POMT2: variants seen among roughly 807,000 people sequenced by gnomAD.
POMT2 encodes the protein protein O-mannosyl-transferase 2.
POMT2 carries 75 observed loss-of-function variants against 100.0 expected under a neutral mutation model. The ratio of observed to expected loss-of-function variants is 0.75; its 90% CI spans 0.62 to 0.91. The LOEUF (loss-of-function observed/expected upper bound fraction) is 0.91, where lower values mean the gene tolerates loss of function less well. Among genes scored for constraint, POMT2 ranks in the 40% least tolerant of loss-of-function variants. POMT2 has a pLI of 0.00. For missense variants in POMT2, 940 were observed against 955.1 expected (o/e 0.98, Z 0.21); for synonymous variants, 378 against 374.1 (o/e 1.01, Z -0.12).
chr14:77,299,689 G>A, intron 6 of POMT2, 128 bp from the exon 7 acceptor site: 1 of 717,780 alleles, frequency 1.4e-6, no homozygotes, highest in Admixed American at 2.1e-5. Context: ...AGAGGAGAGA[G>A]AAGAATATGT....
At chr14:77,308,530 T>C (rs888382786) in intron 2 of POMT2, among the ~76,000 whole-genome samples, 1 of 151,390 alleles carries the variant, frequency 6.6e-6, no homozygotes, top group Non-Finnish European at 1.5e-5. Context: ...TAATTTTTGT[T>C]TTTTTAGTAG....
intron 2 of POMT2, among the ~76,000 whole-genome samples, chr14:77,308,356 G>GTTTTTT (rs529559494): frequency 2.3e-5 from 3 of 128,474 alleles, no homozygotes; most frequent in East Asian, 2.2e-4. Context: ...AAGTTTTTTT[G>GTTTTTT]TTTTTTTTTT....
At chr14:77,285,830 T>G (rs1352499857) in intron 12 of POMT2, among the ~76,000 whole-genome samples, 198 bp from the exon 13 acceptor site, 2 of 152,160 alleles carry the variant, frequency 1.3e-5, no homozygotes, top group African/African-American at 4.8e-5. Flanking sequence ...CAAAACTCAC[T>G]ATTACAACCA....
intron 2 of POMT2, among the ~76,000 whole-genome samples, chr14:77,308,487 C>G (rs1288880324): frequency 1.3e-5 from 2 of 151,480 alleles, no homozygotes; most frequent in Admixed American, 6.6e-5. Flanking sequence ...TCCCAAGTAG[C>G]TAGGATTACA....
chr14:77,279,089 G>T, intron 18 of POMT2: 1 of 640,086 alleles, frequency 1.6e-6, no homozygotes, highest in Non-Finnish European at 2.8e-6. Context: ...AATGGCAGGT[G>T]CACCAAGCAC....
chr14:77,318,350 C>A (rs908161808), intron 1 of POMT2, among the ~76,000 whole-genome samples: 1 of 152,110 alleles, frequency 6.6e-6, no homozygotes, highest in Non-Finnish European at 1.5e-5. Flanking sequence ...AAAAAGAAAA[C>A]AAAAACTCAC....
rs746422226 is a variant in POMT2 at position 77,298,731 on chromosome 14, G to C, written c.964C>G (p.Arg322Gly). The C allele has an allele frequency of 3.7e-6, 6 of 1,613,502 alleles. No homozygotes were observed. The highest frequency in any genetic ancestry group is 5.1e-6 in the Non-Finnish European group (6 of 1,179,806). ...TTGTGCAGGTTGTTCCCTGAAAGCC[G>C]GGCCTGGAAGGCAGAACTGAAGAAA... ...DGFFSSAFQA[R>G]LSGNNLHNAS... The change falls in exon 8 of 21, where the codon CGG becomes GGG. Residue 322 changes from arginine to glycine, a missense_variant. By Grantham distance (125) the Arg-to-Gly change is moderately radical. Transcript: ENST00000261534.
intron 15 of POMT2, among the ~76,000 whole-genome samples, chr14:77,281,632 T>TCC (rs1890238915): frequency 1.3e-5 from 2 of 151,790 alleles, no homozygotes; most frequent in Admixed American, 1.3e-4. Flanking sequence ...AGAAGGGGAG[T>TCC]CAGCTGCCAT....
chr14:77,291,274 G>T, intron 10 of POMT2, 40 bp downstream of exon 10: 1 of 1,596,384 alleles, frequency 6.3e-7, no homozygotes, highest in Non-Finnish European at 8.6e-7. Flanking sequence ...GGCTCAGAGG[G>T]AGTAACAGCA....
At position 77,281,896 on chromosome 14, in the gene POMT2, G is replaced by T. The variant is rs554177935; in HGVS notation, c.1654-1433C>A. Among the ~76,000 whole-genome samples, 6 of 152,286 alleles carry T rather than the reference G, an allele frequency of 3.9e-5. No homozygotes were observed. The South Asian group carries it at 1.2e-3, about 32-fold the overall frequency. ...GTATAGCCTAAGAAAGACCCAGAAA[G>T]TTCAGTGGACTGCCACCCAGTGCCT... On this transcript the variant is annotated intron_variant, in intron 15 of 20. Coordinates refer to ENST00000261534, the MANE Select transcript of POMT2 (RefSeq NM_013382.7).
rs1889914916 is a variant in POMT2, at chr14:77,275,641, G to A, written c.*1735C>T. ...AGGGGAGGGGAGGACACACGGTGAGGTGGAAGCAGCGAGCAGAGCTTCTCC... is the reference window on the plus strand; with the variant it reads ...AGGGGAGGGGAGGACACACGGTGAGATGGAAGCAGCGAGCAGAGCTTCTCC... On this transcript the variant is annotated 3_prime_UTR_variant, in exon 21 of 21. Coordinates refer to ENST00000261534, the MANE Select transcript of POMT2 (RefSeq NM_013382.7). 2.6e-5 allele frequency: 4 copies of A among 152,262 alleles called. No individual in the cohort carries two copies. The highest frequency in any genetic ancestry group is 2.6e-4 in the Admixed American group (4 of 15,280). The allele number at this position is 152,262 out of a possible 1,614,324, so 9.4% of individuals were successfully genotyped here.
chr14:77,286,957 C>A, intron 11 of POMT2, 135 bp from the exon 12 acceptor site: 3 of 1,509,796 alleles, frequency 2.0e-6, no homozygotes, highest in Non-Finnish European at 2.7e-6. Context: ...TCCAACATAT[C>A]AGGAACTGGT....
At chr14:77,277,842 A>G (rs1304461856) in intron 20 of POMT2, among the ~76,000 whole-genome samples, 1 of 152,174 alleles carries the variant, frequency 6.6e-6, no homozygotes, top group East Asian at 1.9e-4. Context: ...GGACTGGGGA[A>G]GCGGGGAGCC....
At chr14:77,301,460 A>C (rs1249351404) in intron 5 of POMT2, among the ~76,000 whole-genome samples, 1 of 152,178 alleles carries the variant, frequency 6.6e-6, no homozygotes, top group African/African-American at 2.4e-5. Context: ...CTGAGGGCGC[A>C]GGGTATTCTT....
intron 18 of POMT2, chr14:77,279,545 T>C (rs1347874108): frequency 5.1e-6 from 3 of 583,384 alleles, no homozygotes; most frequent in African/African-American, 3.7e-5. Flanking sequence ...ACTAGCTGTA[T>C]GTCCTGGGGC....
At chr14:77,320,353 C>G in intron 1 of POMT2, 81 bp downstream of exon 1, 1 of 1,538,750 alleles carries the variant, frequency 6.5e-7, no homozygotes. Context: ...GATCCCGCCC[C>G]CTCCGTACCC....
chr14:77,298,642 G>A, intron 8 of POMT2, 47 bp downstream of exon 8: 1 of 1,600,494 alleles, frequency 6.2e-7, no homozygotes, highest in South Asian at 1.1e-5. Flanking sequence ...TCAACTCCCA[G>A]GACACCCCTC....
intron 9 of POMT2, among the ~76,000 whole-genome samples, chr14:77,293,747 T>C (rs1443315464): frequency 3.9e-5 from 6 of 152,182 alleles, no homozygotes; most frequent in Non-Finnish European, 5.9e-5. Context: ...CGCAATGCAC[T>C]TTCCCTATAC....
chr14:77,288,919 A>G (rs1890542339), intron 10 of POMT2, 88 bp from the exon 11 acceptor site: 1 of 1,120,328 alleles, frequency 8.9e-7, no homozygotes, highest in Admixed American at 1.7e-5. Context: ...TTATAGTACC[A>G]TGTGGTATCT....
Sources: allele counts gnomAD v4.1 joint callset (sites outside exome capture counted in the v4.1 genomes callset), GRCh38; gene constraint gnomAD v4.1.1; transcripts MANE v1.5; gene names NCBI Gene and HGNC (gene_info 2026-07-23, HGNC 2026-07-21).